SIAH3: variants seen among roughly 807,000 people sequenced by gnomAD.
SIAH3 encodes siah E3 ubiquitin protein ligase family member 3.
In SIAH3, 9 loss-of-function variants were observed where a neutral mutation model predicts 12.6. That is an observed-to-expected ratio of 0.72 (90% CI 0.43 to 1.25). The LOEUF (loss-of-function observed/expected upper bound fraction) is 1.25. Ranked by LOEUF, SIAH3 falls within the 50% of genes most tolerant of loss-of-function variation. The pLI, the probability that SIAH3 is intolerant of heterozygous loss-of-function variation, is 0.00. For synonymous variants in SIAH3, 154 were observed against 151.1 expected (o/e 1.02, Z -0.14); for missense variants, 390 against 365.4 (o/e 1.07, Z -0.55).
At chr13:45,803,053 A>G (rs926705565) in intron 1 of SIAH3, among the ~76,000 whole-genome samples, 11 of 151,986 alleles carry the variant, frequency 7.2e-5, no homozygotes, top group African/African-American at 2.4e-4. Flanking sequence ...CCTGGGTGAC[A>G]AGAGCAAAAC....
rs1348605089 is a variant in SIAH3, at chr13:45,781,922, T to C, written c.*1461A>G. ...ACAGGGCACGGAGAGTAATGTCTGG[T>C]TGGCCAAAGGCCCATTTGGCTGTCA... is the stretch of plus-strand genomic sequence containing the variant. On this transcript the variant is annotated 3_prime_UTR_variant, in exon 2 of 2. Coordinates refer to ENST00000400405, the MANE Select transcript of SIAH3 (RefSeq NM_198849.3). The C allele has an allele frequency of 6.6e-6, 1 of 152,248 alleles. No individual in the cohort carries two copies. The highest frequency in any genetic ancestry group is 1.5e-5 in the Non-Finnish European group (1 of 68,112). 9.4% of individuals were successfully genotyped at this position (152,248 alleles called of 1,614,324 possible).
At chr13:45,849,840 A>T (rs1950773282) in intron 1 of SIAH3, among the ~76,000 whole-genome samples, 1 of 152,262 alleles carries the variant, frequency 6.6e-6, no homozygotes, top group Non-Finnish European at 1.5e-5. Context: ...TTTTAAAGGT[A>T]TTAAAATACA....
At chr13:45,811,128 A>AT (rs1950615050) in intron 1 of SIAH3, among the ~76,000 whole-genome samples, 1 of 152,242 alleles carries the variant, frequency 6.6e-6, no homozygotes, top group African/African-American at 2.4e-5. Flanking sequence ...AATCAGAACA[A>AT]TAATAGGGTG....
intron 1 of SIAH3, among the ~76,000 whole-genome samples, chr13:45,831,212 AAATAAAT>A (rs1247487924): frequency 0.011 from 1,690 of 150,554 alleles, 31 homozygotes; most frequent in African/African-American, 0.039. Context: ...ATAAATAAAT[AAATAAAT>A]AAATAAAATA....
intron 1 of SIAH3, among the ~76,000 whole-genome samples, chr13:45,845,994 T>G (rs1950758435): frequency 6.6e-6 from 1 of 151,596 alleles, no homozygotes; most frequent in Admixed American, 6.6e-5. Flanking sequence ...CCACACCATG[T>G]ATCTGGAGGA....
At chr13:45,846,336 TG>T in intron 1 of SIAH3, among the ~76,000 whole-genome samples, 1 of 152,068 alleles carries the variant, frequency 6.6e-6, no homozygotes, top group Non-Finnish European at 1.5e-5. Context: ...GTGATCCACC[TG>T]CCTCGGCCTC....
chr13:45,807,793 A>G (rs1950603168), intron 1 of SIAH3, among the ~76,000 whole-genome samples: 1 of 152,222 alleles, frequency 6.6e-6, no homozygotes, highest in Non-Finnish European at 1.5e-5. Context: ...GACATTGCAT[A>G]TGCCCAGTAG....
intron 1 of SIAH3, among the ~76,000 whole-genome samples, chr13:45,831,899 G>A (rs1196409259): frequency 6.6e-6 from 1 of 152,252 alleles, no homozygotes; most frequent in African/African-American, 2.4e-5. Context: ...CTGCTAAGCT[G>A]CGTATTCTGG....
At position 45,823,392 on chromosome 13, in the gene SIAH3, C is replaced by T. The variant is rs546548279; in HGVS notation, c.135+28103G>A. 6.6e-5 allele frequency among the ~76,000 whole-genome samples: 10 copies of T among 152,320 alleles called. No homozygotes were observed. The South Asian group carries it at 2.1e-3, about 32-fold the overall frequency. On this transcript the variant is annotated intron_variant, in intron 1 of 1. Transcript: ENST00000400405. ...GCACGTGTACACTATTTCAGCTGAT[C>T]CTCAGAACCACTATAGGCAAGGCAA...
intron 1 of SIAH3, among the ~76,000 whole-genome samples, chr13:45,804,989 C>T (rs1487691626): frequency 6.6e-6 from 1 of 150,934 alleles, no homozygotes; most frequent in Non-Finnish European, 1.5e-5. Flanking sequence ...CACACACACA[C>T]ACACACACAC....
In SIAH3 at chr13:45,783,895, T is replaced by A; in HGVS notation, c.298A>T (p.Asn100Tyr). ...ATGCACAGGCAGGGCGTCACCGGGT[T>A]GGCGTGCAGCCCCGCCTCCTGGTGG... ...LHHQEAGLHA[N>Y]PVTPCLCMCP... Residue 100 changes from asparagine to tyrosine, a missense_variant, in exon 2 of 2, where the codon AAC becomes TAC. Physicochemically the swap from Asn to Tyr is moderately radical, Grantham distance 143. Coordinates refer to ENST00000400405, the MANE Select transcript of SIAH3 (RefSeq NM_198849.3). 6.2e-7 allele frequency: 1 copy of A among 1,612,158 alleles called. No individual in the cohort carries two copies. The highest frequency in any genetic ancestry group is 1.7e-4 in the Middle Eastern group (1 of 6,048).
At chr13:45,845,306 G>A (rs562208707) in intron 1 of SIAH3, among the ~76,000 whole-genome samples, 7 of 151,402 alleles carry the variant, frequency 4.6e-5, no homozygotes, top group African/African-American at 1.5e-4. Flanking sequence ...ATAAAGAGAT[G>A]TCCTTTCTGT....
intron 1 of SIAH3, among the ~76,000 whole-genome samples, chr13:45,834,634 T>C (rs1950711689): frequency 6.6e-6 from 1 of 152,124 alleles, no homozygotes; most frequent in Non-Finnish European, 1.5e-5. Context: ...TCAGTGTCTG[T>C]GGGGCATGAC....
chr13:45,810,818 G>A (rs762189056), intron 1 of SIAH3, among the ~76,000 whole-genome samples: 12 of 152,188 alleles, frequency 7.9e-5, no homozygotes, highest in Non-Finnish European at 1.5e-4. Flanking sequence ...TGTTGCCATG[G>A]ACCTTTTAGT....
intron 1 of SIAH3, among the ~76,000 whole-genome samples, chr13:45,787,715 C>T (rs1189777965): frequency 6.6e-6 from 1 of 152,144 alleles, no homozygotes; most frequent in East Asian, 1.9e-4. Flanking sequence ...ATTGCCCAGG[C>T]CTTGTAAGCC....
chr13:45,846,771 GTAA>G (rs1950761611), intron 1 of SIAH3, among the ~76,000 whole-genome samples: 1 of 152,168 alleles, frequency 6.6e-6, no homozygotes, highest in Non-Finnish European at 1.5e-5. Context: ...CAGTACAGAG[GTAA>G]TCGGCTCACC....
intron 1 of SIAH3, among the ~76,000 whole-genome samples, chr13:45,814,026 C>T (rs1472200159): frequency 6.6e-6 from 1 of 152,016 alleles, no homozygotes; most frequent in African/African-American, 2.4e-5. Context: ...ATCATGAGGC[C>T]AGGAGATTGA....
At chr13:45,799,024 A>G (rs1190592268) in intron 1 of SIAH3, among the ~76,000 whole-genome samples, 2 of 152,182 alleles carry the variant, frequency 1.3e-5, no homozygotes. Context: ...GGCCTCTTCA[A>G]TTCCTCCCCA....
chr13:45,785,069 G>A (rs1410934972), intron 1 of SIAH3, among the ~76,000 whole-genome samples: 1 of 152,194 alleles, frequency 6.6e-6, no homozygotes, highest in Non-Finnish European at 1.5e-5. Context: ...ACGTGATGGA[G>A]CCTGCAAAAC....
Sources: allele counts gnomAD v4.1 joint callset (sites outside exome capture counted in the v4.1 genomes callset), GRCh38; gene constraint gnomAD v4.1.1; transcripts MANE v1.5; gene names NCBI Gene and HGNC (gene_info 2026-07-23, HGNC 2026-07-21).